The following TIAM2 variants were observed in gnomAD, a reference collection of about 807,000 sequenced individuals.
The protein encoded by TIAM2 is rho guanine nucleotide exchange factor TIAM2.
Under a neutral mutation model 152.9 loss-of-function variants are expected in TIAM2, and 80 were observed. The ratio of observed to expected loss-of-function variants is 0.52; its 90% confidence interval spans 0.44 to 0.63. The LOEUF (loss-of-function observed/expected upper bound fraction) is 0.63, where lower values mean the gene tolerates loss of function less well. TIAM2 is among the 30% of genes least tolerant of loss of function. TIAM2 has a pLI of 0.00. For missense variants in TIAM2, 1,965 were observed against 2,120.1 expected (o/e 0.93, Z 1.44); for synonymous variants, 804 against 838.0 (o/e 0.96, Z 0.70).
chr6:155,148,422 C>T, intron 7 of TIAM2, 88 bp downstream of exon 7: 1 of 1,311,154 alleles, frequency 7.6e-7, no homozygotes, highest in Non-Finnish European at 1.1e-6. Context: ...GGTGGTATTT[C>T]TTGGCTCACA....
rs561280665 is a variant in TIAM2 at position 155,101,194 on chromosome 6, G to A, written c.-118+10815G>A. 1.3e-5 allele frequency among the ~76,000 whole-genome samples: 2 copies of A among 152,270 alleles called. 1 individual carries two copies. Among genetic ancestry groups the A allele is most frequent in the South Asian group, 4.2e-4 (2 of 4,816 alleles). On this transcript the variant is annotated intron_variant, in intron 2 of 26. Coordinates refer to ENST00000682666, the MANE Select transcript of TIAM2 (RefSeq NM_012454.4). ...AATGGGGAGAAAAATCAGCTCCCCC[G>A]GTAATGTTTCTGAGGATCTCAGGAT...
intron 1 of TIAM2, among the ~76,000 whole-genome samples, chr6:155,036,461 G>C (rs1776922705): frequency 6.7e-6 from 1 of 149,662 alleles, no homozygotes; most frequent in African/African-American, 2.5e-5. Flanking sequence ...TTGAACCCGG[G>C]AGGTGGAGGT....
intron 5 of TIAM2, 96 bp downstream of exon 5, chr6:155,137,708 T>A: frequency 7.4e-7 from 1 of 1,358,472 alleles, no homozygotes; most frequent in Non-Finnish European, 9.8e-7. Context: ...TGATTTGAGT[T>A]CACATGAGGG....
At chr6:155,145,643 G>T (rs567999279) in intron 6 of TIAM2, among the ~76,000 whole-genome samples, 1 of 152,230 alleles carries the variant, frequency 6.6e-6, no homozygotes, top group South Asian at 2.1e-4. Context: ...ACACAGTGTT[G>T]GCCGTAGGTT....
chr6:155,106,149 C>A (rs1284752400), intron 2 of TIAM2, among the ~76,000 whole-genome samples: 2 of 152,006 alleles, frequency 1.3e-5, no homozygotes, highest in East Asian at 3.9e-4. Context: ...GGATTACAGG[C>A]GTGTATCACC....
intron 1 of TIAM2, among the ~76,000 whole-genome samples, chr6:155,033,561 C>T (rs77009034): frequency 0.031 from 4,677 of 151,936 alleles, 119 homozygotes; most frequent in South Asian, 0.12. Flanking sequence ...GAAAGGAAGC[C>T]GTGCCAAGTA....
chr6:155,187,982 T>G (rs1781094923), intron 14 of TIAM2, among the ~76,000 whole-genome samples: 1 of 152,154 alleles, frequency 6.6e-6, no homozygotes, highest in Non-Finnish European at 1.5e-5. Flanking sequence ...GCGTGAGCAC[T>G]CCCGCTGCCC....
At chr6:155,041,953 C>G (rs1268029107) in intron 1 of TIAM2, among the ~76,000 whole-genome samples, 1 of 152,166 alleles carries the variant, frequency 6.6e-6, no homozygotes, top group Non-Finnish European at 1.5e-5. Context: ...AATCTGTTCC[C>G]TCACTCTGGC....
intron 1 of TIAM2, among the ~76,000 whole-genome samples, chr6:155,023,038 TTC>T (rs1376056349): frequency 2.7e-5 from 2 of 73,082 alleles, no homozygotes; most frequent in African/African-American, 5.4e-5. Context: ...TCATTTTTTG[TTC>T]TGTTTTTTTT....
chr6:155,037,376 T>C (rs1332633787), intron 1 of TIAM2, among the ~76,000 whole-genome samples: 3 of 151,664 alleles, frequency 2.0e-5, no homozygotes, highest in African/African-American at 7.3e-5. Context: ...AGTTTTCTGT[T>C]TTGAATGATT....
Position 155,025,718 on chromosome 6 carries a change from C to T in TIAM2, c.-209+30226C>T, listed in dbSNP as rs535436637. Reference sequence around the variant, plus strand: ...TCCTTGAAAATTCATGTGTCTTTGACGGCTGAGGTTTGGGTAGTACCCGCC... The same window carrying T: ...TCCTTGAAAATTCATGTGTCTTTGATGGCTGAGGTTTGGGTAGTACCCGCC... On this transcript the variant is annotated intron_variant, in intron 1 of 26. Coordinates refer to ENST00000682666, the MANE Select transcript of TIAM2 (RefSeq NM_012454.4). Among the ~76,000 whole-genome samples the T allele has an allele frequency of 4.6e-5, 7 of 151,956 alleles. No homozygotes were observed. In the South Asian group the frequency reaches 8.3e-4, roughly 18 times the overall value.
intron 1 of TIAM2, among the ~76,000 whole-genome samples, chr6:155,042,522 C>T (rs944965400): frequency 1.3e-5 from 2 of 152,098 alleles, no homozygotes; most frequent in Non-Finnish European, 2.9e-5. Context: ...ACTTGAACCC[C>T]GGAGGCGGAG....
In TIAM2 at chr6:155,054,668, GCC is replaced by G. The variant is rs376459845; in HGVS notation, c.-208-35617_-208-35616del. On this transcript the variant is annotated intron_variant, in intron 1 of 26. Transcript: ENST00000682666. ...AGATCTTGGCTCACTGCAACCTCCC[GCC>G]CCCTGGGTTCAAGTGATTCTCCTGC... 4.1e-4 allele frequency among the ~76,000 whole-genome samples: 63 copies of G among 151,832 alleles called. 2 individuals are homozygous for G. The East Asian group carries it at 0.012, about 29-fold the overall frequency.
intron 1 of TIAM2, among the ~76,000 whole-genome samples, chr6:155,089,460 G>T (rs1214243935): frequency 6.6e-6 from 1 of 152,180 alleles, no homozygotes; most frequent in Non-Finnish European, 1.5e-5. Context: ...GCCCACCTTG[G>T]CCTCCCAAAG....
intron 2 of TIAM2, among the ~76,000 whole-genome samples, chr6:155,111,500 T>C (rs1465367151): frequency 1.3e-5 from 2 of 152,150 alleles, no homozygotes; most frequent in African/African-American, 4.8e-5. Context: ...AAATAGAAAT[T>C]ACAAGACAAC....
intron 1 of TIAM2, among the ~76,000 whole-genome samples, chr6:155,046,264 C>A (rs577144391): frequency 6.7e-6 from 1 of 150,268 alleles, no homozygotes; most frequent in Non-Finnish European, 1.5e-5. Flanking sequence ...TATTTTCTTT[C>A]TTTAAGGTAA....
At chr6:155,086,719 A>AAC (rs1197646876) in intron 1 of TIAM2, among the ~76,000 whole-genome samples, 1 of 150,962 alleles carries the variant, frequency 6.6e-6, no homozygotes, top group African/African-American at 2.4e-5. Context: ...AAAAAAAAAA[A>AAC]AAAAACCCCA....
intron 1 of TIAM2, among the ~76,000 whole-genome samples, chr6:155,080,304 T>G (rs1778035226): frequency 6.6e-6 from 1 of 151,976 alleles, no homozygotes; most frequent in South Asian, 2.1e-4. Flanking sequence ...TGGGAGGAAA[T>G]GAAAACACTT....
intron 1 of TIAM2, among the ~76,000 whole-genome samples, chr6:155,029,859 C>T (rs956013160): frequency 6.6e-6 from 1 of 150,980 alleles, no homozygotes; most frequent in Non-Finnish European, 1.5e-5. Context: ...GTGGTGTGAT[C>T]GCGGCTCACT....
Sources: allele counts gnomAD v4.1 joint callset (sites outside exome capture counted in the v4.1 genomes callset), GRCh38; gene constraint gnomAD v4.1.1; transcripts MANE v1.5; gene names NCBI Gene and HGNC (gene_info 2026-07-23, HGNC 2026-07-21).